The following OXR1 variants were observed in gnomAD, a reference collection of about 807,000 sequenced individuals.
OXR1 encodes oxidation resistance 1, also known as oxidation resistance protein 1.
A neutral mutation model predicts 104.6 loss-of-function variants in OXR1; 41 were observed. The observed-to-expected ratio is 0.39, with a 90% CI of 0.31 to 0.51. The LOEUF (loss-of-function observed/expected upper bound fraction) is 0.51, where lower values mean the gene tolerates loss of function less well. Among genes scored for constraint, OXR1 ranks in the 20% least tolerant of loss-of-function variants. The pLI is 0.77. For synonymous variants in OXR1, 348 were observed against 348.4 expected, an observed-to-expected ratio of 1.00 and a Z score of 0.01; for missense variants, 955 against 1,031.9, an observed-to-expected ratio of 0.93 and a Z score of 1.02.
chr8:106,471,226 G>A (rs964774055), intron 2 of OXR1, among the ~76,000 whole-genome samples: 7 of 151,446 alleles, frequency 4.6e-5, no homozygotes, highest in Non-Finnish European at 8.9e-5. Flanking sequence ...TAGAGCAATG[G>A]GCTTGAATAG....
intron 1 of OXR1, among the ~76,000 whole-genome samples, chr8:106,287,670 T>A (rs922522717): frequency 6.8e-6 from 1 of 147,056 alleles, no homozygotes; most frequent in Non-Finnish European, 1.5e-5. Flanking sequence ...AAAAAAAAAA[T>A]CTGTGCAAAA....
chr8:106,515,608 T>C (rs554071562), intron 2 of OXR1, among the ~76,000 whole-genome samples: 59 of 152,288 alleles, frequency 3.9e-4, no homozygotes, highest in Non-Finnish European at 6.9e-4. Flanking sequence ...AATGACAAGA[T>C]ATTTTTTTCA....
intron 1 of OXR1, among the ~76,000 whole-genome samples, chr8:106,320,744 T>C (rs980570313): frequency 1.6e-4 from 25 of 152,150 alleles, no homozygotes; most frequent in African/African-American, 6.0e-4. Flanking sequence ...CAATCTCGGC[T>C]CACTGCAGTC....
chr8:106,524,041 G>A (rs773224304), intron 3 of OXR1, among the ~76,000 whole-genome samples: 3 of 152,244 alleles, frequency 2.0e-5, no homozygotes, highest in African/African-American at 7.2e-5. Context: ...CTCCCAAAGT[G>A]CTGGGATTAC....
At chr8:106,458,349 A>G (rs1402288863) in intron 2 of OXR1, among the ~76,000 whole-genome samples, 1 of 152,088 alleles carries the variant, frequency 6.6e-6, no homozygotes, top group Non-Finnish European at 1.5e-5. Flanking sequence ...ATGTGGCTCA[A>G]CCTGCTGCTC....
At chr8:106,352,745 T>A (rs1295516928) in intron 1 of OXR1, among the ~76,000 whole-genome samples, 1 of 152,148 alleles carries the variant, frequency 6.6e-6, no homozygotes, top group Non-Finnish European at 1.5e-5. Context: ...GGTAAAACTG[T>A]ATATGTTAGG....
intron 11 of OXR1, among the ~76,000 whole-genome samples, chr8:106,724,236 A>G (rs1833118547): frequency 6.6e-6 from 1 of 152,254 alleles, no homozygotes; most frequent in African/African-American, 2.4e-5. Context: ...TTATGAGAAC[A>G]GATTATGTTC....
At chr8:106,744,760 A>T (rs1835238145) in intron 15 of OXR1, among the ~76,000 whole-genome samples, 1 of 152,216 alleles carries the variant, frequency 6.6e-6, no homozygotes, top group Non-Finnish European at 1.5e-5. Context: ...TATCTCGGGC[A>T]CATTGGAGTG....
chr8:106,496,300 T>C (rs1811406158), intron 2 of OXR1, among the ~76,000 whole-genome samples: 2 of 152,200 alleles, frequency 1.3e-5, no homozygotes, highest in Admixed American at 1.3e-4. Flanking sequence ...AAGTAATGTA[T>C]GTTTTCATAA....
chr8:106,722,186 C>T (rs114418827), intron 11 of OXR1, among the ~76,000 whole-genome samples: 1,899 of 152,134 alleles, frequency 0.012, 26 homozygotes, highest in African/African-American at 0.043. Context: ...ATATGTTAAA[C>T]GCACAAAACC....
At chr8:106,729,205 G>T (rs1433857474) in intron 11 of OXR1, among the ~76,000 whole-genome samples, 1 of 151,984 alleles carries the variant, frequency 6.6e-6, no homozygotes, top group Non-Finnish European at 1.5e-5. Flanking sequence ...CATTTTACAA[G>T]TGAAAAAACA....
At chr8:106,671,308 C>T (rs1490622795) in intron 3 of OXR1, among the ~76,000 whole-genome samples, 1 of 152,004 alleles carries the variant, frequency 6.6e-6, no homozygotes, top group African/African-American at 2.4e-5. Context: ...AATTCTGTGA[C>T]CTGTGAAATT....
intron 3 of OXR1, among the ~76,000 whole-genome samples, chr8:106,528,434 T>C (rs1813851856): frequency 6.6e-6 from 1 of 152,292 alleles, no homozygotes; most frequent in Non-Finnish European, 1.5e-5. Flanking sequence ...CGATGCACAG[T>C]TAAATACAAA....
At chr8:106,663,359 A>G (rs2131101871) in intron 3 of OXR1, among the ~76,000 whole-genome samples, 1 of 152,370 alleles carries the variant, frequency 6.6e-6, no homozygotes, top group South Asian at 2.1e-4. Flanking sequence ...TCTATCATGT[A>G]AGGTATTAAA....
chr8:106,626,834 ATATT>A (rs1259405403), intron 3 of OXR1, among the ~76,000 whole-genome samples: 1 of 150,904 alleles, frequency 6.6e-6, no homozygotes, highest in Non-Finnish European at 1.5e-5. Context: ...TTTTAAATAT[ATATT>A]ATAATTATCA....
intron 3 of OXR1, among the ~76,000 whole-genome samples, chr8:106,630,001 C>T (rs1041252479): frequency 9.2e-5 from 14 of 152,176 alleles, no homozygotes; most frequent in African/African-American, 3.4e-4. Context: ...CTGCCTCTGC[C>T]TTTACATTTA....
intron 2 of OXR1, among the ~76,000 whole-genome samples, chr8:106,506,409 C>A (rs556009733): frequency 1.3e-5 from 2 of 152,050 alleles, no homozygotes; most frequent in Non-Finnish European, 2.9e-5. Flanking sequence ...GTCAGGAGAT[C>A]CAGACAATCC....
chr8:106,413,457 A>C (rs183611776), intron 2 of OXR1, among the ~76,000 whole-genome samples: 48 of 152,248 alleles, frequency 3.2e-4, no homozygotes, highest in African/African-American at 1.2e-3. Flanking sequence ...TTGAAAATTT[A>C]AGGTATCCTA....
intron 2 of OXR1, among the ~76,000 whole-genome samples, chr8:106,514,447 C>T (rs1586744281): frequency 6.6e-6 from 1 of 152,090 alleles, no homozygotes; most frequent in East Asian, 1.9e-4. Context: ...AGCCAGAAAA[C>T]CTACTAGCAG....
Sources: gnomAD v4.1 joint callset for allele counts (sites outside exome capture counted in the v4.1 genomes callset) on GRCh38, gnomAD v4.1.1 for gene constraint, MANE v1.5 for transcripts, NCBI Gene and HGNC (gene_info 2026-07-23, HGNC 2026-07-21) for gene names.